Variants in TBC1D5 observed in about 807,000 individuals in gnomAD.
TBC1D5 encodes TBC1 domain family, member 5.
A neutral mutation model predicts 100.3 loss-of-function variants in TBC1D5; 75 were observed. The observed-to-expected ratio is 0.75, with a 90% CI of 0.62 to 0.91. The LOEUF is 0.91. TBC1D5 is among the 40% of genes least tolerant of loss of function. The pLI, the probability that TBC1D5 is intolerant of heterozygous loss-of-function variation, is 0.00. For synonymous variants in TBC1D5, 323 were observed against 325.6 expected (o/e 0.99, Z 0.09); for missense variants, 910 against 942.4 (o/e 0.97, Z 0.45).
At chr3:17,387,425 C>G (rs1176050916) in intron 8 of TBC1D5, among the ~76,000 whole-genome samples, 2 of 151,950 alleles carry the variant, frequency 1.3e-5, no homozygotes, top group Non-Finnish European at 2.9e-5. Context: ...CACATAAGAA[C>G]CTAGCTCTGA....
chr3:17,209,789 G>A (rs1410802025), intron 18 of TBC1D5, among the ~76,000 whole-genome samples: 1 of 152,150 alleles, frequency 6.6e-6, no homozygotes, highest in East Asian at 1.9e-4. Flanking sequence ...CTCATGCCTA[G>A]TTGTATAAAT....
intron 2 of TBC1D5, among the ~76,000 whole-genome samples, chr3:17,562,592 C>A (rs746868175): frequency 6.6e-6 from 1 of 151,700 alleles, no homozygotes; most frequent in Non-Finnish European, 1.5e-5. Context: ...GAGTGATATG[C>A]CAGGGACTGT....
intron 16 of TBC1D5, among the ~76,000 whole-genome samples, chr3:17,247,810 T>C (rs1056432355): frequency 6.6e-6 from 1 of 152,192 alleles, no homozygotes; most frequent in Non-Finnish European, 1.5e-5. Context: ...ATAATGTTCA[T>C]AGCATATTTA....
chr3:17,506,028 T>C (rs1159172388), intron 3 of TBC1D5, among the ~76,000 whole-genome samples: 1 of 152,218 alleles, frequency 6.6e-6, no homozygotes, highest in Non-Finnish European at 1.5e-5. Context: ...ACATAACTTC[T>C]ACACAGGCAA....
intron 15 of TBC1D5, among the ~76,000 whole-genome samples, chr3:17,291,106 G>A (rs2081688243): frequency 6.6e-6 from 1 of 152,194 alleles, no homozygotes; most frequent in Non-Finnish European, 1.5e-5. Context: ...CATGACTGTT[G>A]GGAGGGTTGC....
chr3:17,305,185 G>T (rs1352299998), intron 14 of TBC1D5, among the ~76,000 whole-genome samples: 1 of 151,982 alleles, frequency 6.6e-6, no homozygotes, highest in Non-Finnish European at 1.5e-5. Flanking sequence ...CTATTCCTGG[G>T]CACTCTTGAC....
intron 9 of TBC1D5, among the ~76,000 whole-genome samples, chr3:17,377,631 G>A (rs778890645): frequency 6.6e-6 from 1 of 151,932 alleles, no homozygotes; most frequent in Non-Finnish European, 1.5e-5. Context: ...TATTTTGCTG[G>A]TAGAATTAGA....
chr3:17,573,839 T>C (rs768127596), intron 2 of TBC1D5, among the ~76,000 whole-genome samples: 4 of 151,996 alleles, frequency 2.6e-5, no homozygotes, highest in Non-Finnish European at 4.4e-5. Context: ...ATCTATCACA[T>C]AATTCATCAC....
At chr3:17,541,696 C>T (rs1290481185) in intron 2 of TBC1D5, among the ~76,000 whole-genome samples, 3 of 152,144 alleles carry the variant, frequency 2.0e-5, no homozygotes, top group Non-Finnish European at 2.9e-5. Flanking sequence ...TGTCTAACTG[C>T]TATGGTTAGA....
chr3:17,642,939 C>T (rs11923635), intron 1 of TBC1D5, among the ~76,000 whole-genome samples: 10,874 of 152,092 alleles, frequency 0.071, 793 homozygotes, highest in African/African-American at 0.19. Context: ...AATGAAAACA[C>T]CATACATAGC....
In TBC1D5 at chr3:17,731,036, C is replaced by G. The variant is rs539890318; in HGVS notation, c.-101+8307G>C. On this transcript the variant is annotated intron_variant, in intron 1 of 21. Transcript: ENST00000253692. Reference sequence around the variant, plus strand: ...ACACAGACTTGGTAGTATAAAGAAGCTTCCTGGAACAGAGTGGCATTTAAG... The same window carrying G: ...ACACAGACTTGGTAGTATAAAGAAGGTTCCTGGAACAGAGTGGCATTTAAG... Among the ~76,000 whole-genome samples the G allele has an allele frequency of 1.3e-4, 20 of 152,176 alleles. 1 individual carries two copies. In the South Asian group the frequency reaches 3.5e-3, roughly 27 times the overall value.
intron 13 of TBC1D5, among the ~76,000 whole-genome samples, chr3:17,322,617 C>T (rs2085564363): frequency 6.6e-6 from 1 of 152,184 alleles, no homozygotes; most frequent in Admixed American, 6.5e-5. Context: ...TTAAAAGACG[C>T]AGACTCAAGG....
rs547416424 is a variant in TBC1D5 at position 17,220,202 on chromosome 3, T to C, written c.1589-5832A>G. Among the ~76,000 whole-genome samples, 12 of 152,312 alleles carry C rather than the reference T, an allele frequency of 7.9e-5. No homozygotes were observed. In the South Asian group the frequency reaches 2.5e-3, roughly 32 times the overall value. ...TAAGTGGAACTGCTATGTATAACTA[T>C]ATGCACATTTTAAATTTAGATAAAT... On this transcript the variant is annotated intron_variant, in intron 17 of 21. Coordinates refer to ENST00000253692, the Ensembl canonical transcript of TBC1D5.
intron 16 of TBC1D5, among the ~76,000 whole-genome samples, chr3:17,250,302 GTC>G (rs1052799521): frequency 2.5e-4 from 38 of 152,244 alleles, no homozygotes; most frequent in Admixed American, 2.0e-3. Flanking sequence ...CTCCTAACTA[GTC>G]TCTGTTTCCT....
chr3:17,588,540 T>C (rs929297375), intron 2 of TBC1D5, among the ~76,000 whole-genome samples: 8 of 151,426 alleles, frequency 5.3e-5, no homozygotes, highest in African/African-American at 2.0e-4. Context: ...ATGTAACATC[T>C]GTTTTCATAT....
chr3:17,522,687 G>A (rs920119190), intron 2 of TBC1D5, among the ~76,000 whole-genome samples: 1 of 152,020 alleles, frequency 6.6e-6, no homozygotes, highest in Non-Finnish European at 1.5e-5. Context: ...AACTCCCAGG[G>A]AATTTTACTA....
rs576984598 is a variant in TBC1D5, at chr3:17,308,890, T to C, written c.996-756A>G. The stretch of plus-strand genomic sequence containing the variant: ...ATAATTGTACATAATAGTGACACTT[T>C]AGACTTTCAATAAATGTTAAACTAT... On this transcript the variant is annotated intron_variant, in intron 13 of 21. Transcript: ENST00000253692. 4.6e-5 allele frequency among the ~76,000 whole-genome samples: 7 copies of C among 152,230 alleles called. No individual in the cohort carries two copies. The East Asian group carries it at 1.2e-3, about 25-fold the overall frequency.
At chr3:17,481,415 C>A (rs1181136445) in intron 3 of TBC1D5, among the ~76,000 whole-genome samples, 1 of 152,158 alleles carries the variant, frequency 6.6e-6, no homozygotes, top group Non-Finnish European at 1.5e-5. Context: ...GTAAAAGGCA[C>A]CGCCTGCCAC....
intron 3 of TBC1D5, among the ~76,000 whole-genome samples, chr3:17,480,809 C>T (rs915631755): frequency 6.6e-6 from 1 of 152,330 alleles, no homozygotes; most frequent in East Asian, 1.9e-4. Context: ...ACTCAGGTCT[C>T]CCGAGAGCTG....
Sources: gnomAD v4.1 joint callset for allele counts (sites outside exome capture counted in the v4.1 genomes callset) on GRCh38, gnomAD v4.1.1 for gene constraint, MANE v1.5 for transcripts, NCBI Gene and HGNC (gene_info 2026-07-23, HGNC 2026-07-21) for gene names.